STAG2: variants seen among roughly 807,000 people sequenced by gnomAD.
STAG2 encodes cohesin subunit SA-2.
STAG2 carries 14 observed loss-of-function variants against 108.1 expected under a neutral mutation model. The ratio of observed to expected loss-of-function variants is 0.13; its 90% confidence interval spans 0.09 to 0.20. The LOEUF (loss-of-function observed/expected upper bound fraction) is 0.20, where lower values mean the gene tolerates loss of function less well. Among genes scored for constraint, STAG2 ranks in the 10% least tolerant of loss-of-function variants. The pLI is 1.00. For synonymous variants in STAG2, 307 were observed against 302.7 expected, an observed-to-expected ratio of 1.01 and a Z score of -0.15; for missense variants, 440 against 940.9, an observed-to-expected ratio of 0.47 and a Z score of 6.96.
chrX:123,990,226 C>T (rs1440203606), intron 1 of STAG2, among the ~76,000 whole-genome samples: 1 of 111,826 alleles, frequency 8.9e-6, no homozygotes, highest in Non-Finnish European at 1.9e-5. Flanking sequence ...TTGGTGTACA[C>T]CCCATGCAAA....
intron 27 of STAG2, 24 bp downstream of exon 27, chrX:124,078,082 T>C (rs375408042): frequency 4.2e-5 from 45 of 1,077,833 alleles, no homozygotes; most frequent in Non-Finnish European, 5.6e-5. Flanking sequence ...GTACCAACTT[T>C]AGCTAACACA....
chrX:124,048,776 TCTA>T (rs1166831382), intron 9 of STAG2, among the ~76,000 whole-genome samples: 1 of 111,867 alleles, frequency 8.9e-6, no homozygotes, highest in Non-Finnish European at 1.9e-5. Context: ...AGAAAAAAAA[TCTA>T]CTAGCTAAAT....
chrX:124,047,997 A>G (rs1399728603), intron 9 of STAG2, among the ~76,000 whole-genome samples: 1 of 112,472 alleles, frequency 8.9e-6, no homozygotes, highest in Non-Finnish European at 1.9e-5. Flanking sequence ...GCGAAATAAC[A>G]GTAAATAAAA....
intron 34 of STAG2, among the ~76,000 whole-genome samples, chrX:124,096,954 G>T (rs1361502048): frequency 8.9e-6 from 1 of 112,113 alleles, no homozygotes; most frequent in Non-Finnish European, 1.9e-5. Flanking sequence ...CAAGGTGGGA[G>T]GATTGTTTGA....
chrX:124,009,429 AGGTAGGTAGG>A (rs2056432831), intron 1 of STAG2, among the ~76,000 whole-genome samples: 14 of 90,005 alleles, frequency 1.6e-4, no homozygotes, highest in African/African-American at 4.5e-4. Flanking sequence ...GTAGGTAGGT[AGGTAGGTAGG>A]TAGGTAGATA....
rs112181403 is a variant in STAG2, at chrX:124,077,556, G to T, written c.2674-401G>T. 5.0e-3 allele frequency among the ~76,000 whole-genome samples: 561 copies of T among 111,718 alleles called. 2 individuals carry two copies. The highest frequency in any genetic ancestry group is 0.017 in the African/African-American group (525 of 30,806). ...TAAAGTTTTAAACTGCTCGTGGCCT[G>T]TATACCCGGTATCAATGAATTAGTT... On this transcript the variant is annotated intron_variant, in intron 26 of 34. Transcript: ENST00000371145.
chrX:124,006,664 C>G (rs2056309438), intron 1 of STAG2, among the ~76,000 whole-genome samples: 1 of 110,736 alleles, frequency 9.0e-6, no homozygotes, highest in Non-Finnish European at 1.9e-5. Flanking sequence ...TGGTCTTGAT[C>G]TCCTGACCTT....
At chrX:124,034,878 G>GTTATTA (rs112336660) in intron 5 of STAG2, among the ~76,000 whole-genome samples, 105 of 83,883 alleles carry the variant, frequency 1.3e-3, no homozygotes, top group African/African-American at 3.7e-3. Context: ...TGTTGTTGTT[G>GTTATTA]TTATTATTAT....
At chrX:124,079,356 G>T (rs1286497790) in intron 27 of STAG2, among the ~76,000 whole-genome samples, 1 of 111,359 alleles carries the variant, frequency 9.0e-6, no homozygotes, top group African/African-American at 3.3e-5. Context: ...AGCTAGGATG[G>T]TCTCAATCTC....
chrX:124,009,465 A>AGATG (rs2056448341), intron 1 of STAG2, among the ~76,000 whole-genome samples: 1 of 110,180 alleles, frequency 9.1e-6, no homozygotes, highest in East Asian at 2.8e-4. Flanking sequence ...ATAGATAGAT[A>AGATG]GATAGATAGA....
At chrX:123,986,098 C>A (rs985537249) in intron 1 of STAG2, among the ~76,000 whole-genome samples, 2 of 103,072 alleles carry the variant, frequency 1.9e-5, no homozygotes, top group East Asian at 5.9e-4. Flanking sequence ...TGATATATAT[C>A]ATGTATATAT....
rs1364561062 is a variant in STAG2 at position 124,102,002 on chromosome X, G to T, written c.*1405G>T. The T allele has an allele frequency of 1.3e-5, 2 of 159,183 alleles. No individual in the cohort carries two copies. Among genetic ancestry groups the T allele is most frequent in the Non-Finnish European group, 2.4e-5 (2 of 81,741 alleles). 13.1% of individuals were successfully genotyped at this position (159,183 alleles called of 1,213,427 possible). ...AGGTATATTATTTTAATCATTCCAT[G>T]CCTTAATATGCTTGCAATACAAGAA... On this transcript the variant is annotated 3_prime_UTR_variant, in exon 35 of 35. Coordinates refer to ENST00000371145, the MANE Select transcript of STAG2 (RefSeq NM_001042750.2).
chrX:123,991,081 A>G (rs754425073), intron 1 of STAG2, among the ~76,000 whole-genome samples: 1 of 112,132 alleles, frequency 8.9e-6, no homozygotes, highest in East Asian at 2.8e-4. Flanking sequence ...TGACACCTTC[A>G]CTATACTTTA....
At chrX:124,075,656 C>CTT (rs368605388) in intron 25 of STAG2, among the ~76,000 whole-genome samples, 1 of 105,704 alleles carries the variant, frequency 9.5e-6, no homozygotes, top group African/African-American at 3.4e-5. Context: ...TTGTATGCAG[C>CTT]TTTTTTTTTT....
At chrX:124,016,101 G>A (rs1420057929) in intron 1 of STAG2, among the ~76,000 whole-genome samples, 1 of 111,716 alleles carries the variant, frequency 9.0e-6, no homozygotes, top group Non-Finnish European at 1.9e-5. Flanking sequence ...GATTTTAGCA[G>A]CATAGTTTTG....
intron 14 of STAG2, 26 bp from the exon 15 acceptor site, chrX:124,057,840 A>C (rs776354350): frequency 2.9e-6 from 3 of 1,026,263 alleles, no homozygotes; most frequent in Non-Finnish European, 1.3e-6. Context: ...TGTTGTCGTA[A>C]AATAAATATT....
chrX:123,961,531 G>A (rs889722477), upstream of STAG2: 2 of 110,017 alleles, frequency 1.8e-5, no homozygotes, highest in Admixed American at 1.9e-4. Context: ...GGAAGGCAGA[G>A]AGCAAAATGG....
intron 1 of STAG2, among the ~76,000 whole-genome samples, chrX:124,012,704 T>A (rs1352292559): frequency 1.8e-5 from 2 of 111,891 alleles, no homozygotes; most frequent in Non-Finnish European, 3.8e-5. Flanking sequence ...AAAAGAGGCA[T>A]TACATATTAA....
intron 6 of STAG2, among the ~76,000 whole-genome samples, chrX:124,040,996 G>A (rs765586039): frequency 1.5e-4 from 16 of 106,125 alleles, no homozygotes; most frequent in African/African-American, 5.5e-4. Context: ...AAGTAGCTGC[G>A]ATTACAGGCA....
Sources: gnomAD v4.1 joint callset for allele counts (sites outside exome capture counted in the v4.1 genomes callset) on GRCh38, gnomAD v4.1.1 for gene constraint, MANE v1.5 for transcripts, NCBI Gene and HGNC (gene_info 2026-07-23, HGNC 2026-07-21) for gene names.